Variants in ASTN2 observed in about 807,000 individuals in gnomAD.
The protein encoded by ASTN2 is astrotactin 2.
A neutral mutation model predicts 139.8 loss-of-function variants in ASTN2; 54 were observed. That is an observed-to-expected ratio of 0.39 (90% CI 0.31 to 0.48). The LOEUF is 0.48. Ranked by LOEUF, ASTN2 falls within the 20% of genes least tolerant of loss-of-function variation. The pLI, the probability that ASTN2 is intolerant of heterozygous loss-of-function variation, is 0.95. For synonymous variants in ASTN2, 756 were observed against 719.5 expected (o/e 1.05, Z -0.81); for missense variants, 1,565 against 1,725.1 (o/e 0.91, Z 1.64).
intron 5 of ASTN2, among the ~76,000 whole-genome samples, chr9:117,093,119 A>C (rs538710563): frequency 1.3e-5 from 2 of 152,112 alleles, no homozygotes; most frequent in Non-Finnish European, 2.9e-5. Context: ...CTCAGAGAAG[A>C]TCCACCCGTC....
chr9:116,895,299 C>G (rs1268541907), intron 10 of ASTN2, among the ~76,000 whole-genome samples: 2 of 152,154 alleles, frequency 1.3e-5, no homozygotes, highest in Non-Finnish European at 2.9e-5. Context: ...AGACTTGGGT[C>G]CCATCTCCAG....
intron 16 of ASTN2, among the ~76,000 whole-genome samples, chr9:116,690,819 T>C (rs138525985): frequency 3.5e-4 from 53 of 152,278 alleles, no homozygotes; most frequent in Non-Finnish European, 5.4e-4. Flanking sequence ...TATGAGACTA[T>C]GAGAACATAT....
intron 13 of ASTN2, among the ~76,000 whole-genome samples, chr9:116,794,096 CTTTTTT>C (rs35428342): frequency 1.6e-5 from 2 of 123,830 alleles, no homozygotes; most frequent in Non-Finnish European, 3.3e-5. Context: ...AAATAAACAC[CTTTTTT>C]TTTTTTTTTT....
At chr9:117,196,063 C>T (rs1434569176) in intron 3 of ASTN2, among the ~76,000 whole-genome samples, 1 of 152,144 alleles carries the variant, frequency 6.6e-6, no homozygotes, top group African/African-American at 2.4e-5. Context: ...GGATTACGAA[C>T]CTCAGTGTGG....
intron 1 of ASTN2, among the ~76,000 whole-genome samples, chr9:117,304,528 G>A (rs76484918): frequency 0.012 from 1,768 of 152,238 alleles, 30 homozygotes; most frequent in African/African-American, 0.04. Flanking sequence ...GGATCCTGCC[G>A]TATTTCCCTC....
At chr9:116,437,635 C>A (rs1238734221) in intron 22 of ASTN2, 3 of 469,004 alleles carry the variant, frequency 6.4e-6, no homozygotes. Flanking sequence ...TTAGCTTCCA[C>A]ACAAACTCCC....
chr9:117,130,682 T>C (rs1431886319), intron 4 of ASTN2, among the ~76,000 whole-genome samples: 1 of 152,240 alleles, frequency 6.6e-6, no homozygotes, highest in Non-Finnish European at 1.5e-5. Flanking sequence ...GCCATATTGC[T>C]GAAAGTTTAC....
chr9:116,486,312 T>A (rs1267468033), intron 20 of ASTN2, among the ~76,000 whole-genome samples: 1 of 152,178 alleles, frequency 6.6e-6, no homozygotes, highest in Non-Finnish European at 1.5e-5. Context: ...AAATAAGTTA[T>A]GAATTAGTAA....
chr9:116,558,342 G>A, intron 19 of ASTN2, among the ~76,000 whole-genome samples: 1 of 150,836 alleles, frequency 6.6e-6, no homozygotes, highest in Non-Finnish European at 1.5e-5. Context: ...CCATACCTCT[G>A]CAAGACAAGT....
chr9:117,364,832 G>A (rs972606101), intron 1 of ASTN2, among the ~76,000 whole-genome samples: 2 of 152,016 alleles, frequency 1.3e-5, no homozygotes, highest in African/African-American at 4.8e-5. Flanking sequence ...AAAGAAAAGA[G>A]CCAGGCATGG....
At chr9:117,263,642 C>T (rs1358490282) in intron 2 of ASTN2, among the ~76,000 whole-genome samples, 1 of 152,186 alleles carries the variant, frequency 6.6e-6, no homozygotes, top group Non-Finnish European at 1.5e-5. Flanking sequence ...TAGTGATCCT[C>T]ATCAAGATCC....
intron 19 of ASTN2, among the ~76,000 whole-genome samples, chr9:116,490,740 C>T (rs887342444): frequency 2.0e-5 from 3 of 152,042 alleles, no homozygotes; most frequent in Non-Finnish European, 2.9e-5. Flanking sequence ...CTTACTATCA[C>T]GAGAACAGCA....
At chr9:117,296,732 T>C (rs1304712364) in intron 1 of ASTN2, among the ~76,000 whole-genome samples, 1 of 152,254 alleles carries the variant, frequency 6.6e-6, no homozygotes, top group African/African-American at 2.4e-5. Context: ...GGCAGTAGGC[T>C]GACTCCAGTG....
chr9:116,939,847 T>C (rs1835177970), intron 10 of ASTN2, among the ~76,000 whole-genome samples: 1 of 152,168 alleles, frequency 6.6e-6, no homozygotes, highest in African/African-American at 2.4e-5. Flanking sequence ...CCGTCAACCA[T>C]GGACAAAATA....
At chr9:116,907,544 G>A (rs1834195608) in intron 10 of ASTN2, among the ~76,000 whole-genome samples, 1 of 152,202 alleles carries the variant, frequency 6.6e-6, no homozygotes, top group Non-Finnish European at 1.5e-5. Context: ...TTGGTGTTAA[G>A]CAAGGCTAAA....
chr9:116,747,478 A>G (rs143244082), intron 13 of ASTN2, among the ~76,000 whole-genome samples: 1 of 152,164 alleles, frequency 6.6e-6, no homozygotes, highest in East Asian at 1.9e-4. Flanking sequence ...CTTTGTTTCC[A>G]ACCCTCTCAA....
intron 1 of ASTN2, among the ~76,000 whole-genome samples, chr9:117,368,798 A>G (rs549075862): frequency 6.6e-6 from 1 of 152,126 alleles, no homozygotes; most frequent in African/African-American, 2.4e-5. Context: ...AAATCCCATT[A>G]TCACAAAGCC....
intron 10 of ASTN2, among the ~76,000 whole-genome samples, chr9:116,880,902 T>C (rs1833435555): frequency 6.6e-6 from 1 of 152,026 alleles, no homozygotes; most frequent in Non-Finnish European, 1.5e-5. Context: ...CAAGTAAAAA[T>C]TTACATGGTG....
At chr9:116,470,895 T>C (rs1025575593) in intron 20 of ASTN2, among the ~76,000 whole-genome samples, 4 of 152,190 alleles carry the variant, frequency 2.6e-5, no homozygotes, top group African/African-American at 9.7e-5. Context: ...CTGCCATTGG[T>C]TACCTACATT....
Sources: gnomAD v4.1 joint callset for allele counts (sites outside exome capture counted in the v4.1 genomes callset) on GRCh38, gnomAD v4.1.1 for gene constraint, MANE v1.5 for transcripts, NCBI Gene and HGNC (gene_info 2026-07-23, HGNC 2026-07-21) for gene names.